PRR16: variants seen among roughly 807,000 people sequenced by gnomAD.
PRR16 encodes the protein protein Largen.
A neutral mutation model predicts 18.2 loss-of-function variants in PRR16; 6 were observed. That is an observed-to-expected ratio of 0.33 (90% CI 0.18 to 0.65). PRR16 has a LOEUF of 0.65. Among genes scored for constraint, PRR16 ranks in the 30% least tolerant of loss-of-function variants. The pLI, the probability that PRR16 is intolerant of heterozygous loss-of-function variation, is 0.74. For synonymous variants in PRR16, 151 were observed against 147.8 expected (o/e 1.02, Z -0.16); for missense variants, 412 against 376.6 (o/e 1.09, Z -0.78).
intron 1 of PRR16, among the ~76,000 whole-genome samples, chr5:120,528,194 A>G (rs1459961427): frequency 6.6e-6 from 1 of 152,204 alleles, no homozygotes; most frequent in African/African-American, 2.4e-5. Flanking sequence ...TGGAGAAATC[A>G]GGTCAATAAA....
chr5:120,541,407 A>G lies in PRR16; in HGVS notation c.159+76762A>G, dbSNP rs1319148605. Among the ~76,000 whole-genome samples the G allele has an allele frequency of 2.6e-5, 4 of 152,172 alleles. No homozygotes were observed. In the East Asian group the frequency reaches 5.8e-4, roughly 22 times the overall value. On this transcript the variant is annotated intron_variant, in intron 1 of 1. Transcript: ENST00000407149. ...CTGATCTGCCCACCTCAGCCTCTCA[A>G]AGTGCTAGGATTACAGGCGTGAGCC... is the stretch of plus-strand genomic sequence containing the variant.
chr5:120,577,281 A>G (rs1185271016), intron 1 of PRR16, among the ~76,000 whole-genome samples: 1 of 152,088 alleles, frequency 6.6e-6, no homozygotes, highest in African/African-American at 2.4e-5. Flanking sequence ...GCCTTGCAAC[A>G]TTTATATTGA....
intron 1 of PRR16, among the ~76,000 whole-genome samples, chr5:120,488,718 C>G (rs1202541488): frequency 8.5e-5 from 13 of 152,124 alleles, no homozygotes; most frequent in African/African-American, 2.9e-4. Flanking sequence ...TCTTGCTTCT[C>G]TAGTTCTTTT....
intron 1 of PRR16, among the ~76,000 whole-genome samples, chr5:120,504,408 C>T (rs1174988891): frequency 2.0e-5 from 3 of 152,172 alleles, no homozygotes; most frequent in Non-Finnish European, 4.4e-5. Flanking sequence ...CCAAGTGTTT[C>T]TTAAACATGG....
chr5:120,776,154 G>T, the PRR16 span, among the ~76,000 whole-genome samples: 2 of 152,038 alleles, frequency 1.3e-5, no homozygotes, highest in Non-Finnish European at 2.9e-5. Context: ...CGTCATCATT[G>T]GATATGTATG....
intron 1 of PRR16, among the ~76,000 whole-genome samples, chr5:120,527,698 T>G (rs1188516113): frequency 6.6e-6 from 1 of 152,206 alleles, no homozygotes; most frequent in African/African-American, 2.4e-5. Flanking sequence ...TTCCTTTTGC[T>G]TTTTGCACTT....
At chr5:120,770,928 T>A in the PRR16 span, among the ~76,000 whole-genome samples, 507 of 147,104 alleles carry the variant, frequency 3.4e-3, 2 homozygotes, top group African/African-American at 0.012. Flanking sequence ...ATTGGAACAC[T>A]CTCTCTCTCT....
chr5:120,580,950 A>G (rs185543749), intron 1 of PRR16, among the ~76,000 whole-genome samples: 62 of 152,296 alleles, frequency 4.1e-4, no homozygotes, highest in African/African-American at 1.4e-3. Flanking sequence ...GGATTTTCAC[A>G]TCAACATTCA....
the PRR16 span, among the ~76,000 whole-genome samples, chr5:120,779,733 TTAA>T: frequency 2.6e-5 from 4 of 152,170 alleles, no homozygotes; most frequent in Non-Finnish European, 5.9e-5. Flanking sequence ...GCTGATATTC[TTAA>T]TAACAGCAAA....
At chr5:120,789,891 T>C in the PRR16 span, 2 of 138,030 alleles carry the variant, frequency 1.4e-5, no homozygotes, top group South Asian at 4.7e-4. Flanking sequence ...TTGTGTGTTT[T>C]TGTTAAACCA....
At chr5:120,682,733 A>G (rs1467002566) in intron 1 of PRR16, among the ~76,000 whole-genome samples, 5 of 152,204 alleles carry the variant, frequency 3.3e-5, no homozygotes, top group African/African-American at 4.8e-5. Flanking sequence ...AGAATATGCA[A>G]CCAACTCAGT....
the PRR16 span, among the ~76,000 whole-genome samples, chr5:120,746,945 C>T: frequency 1.3e-5 from 2 of 151,774 alleles, no homozygotes; most frequent in Non-Finnish European, 2.9e-5. Flanking sequence ...CATCTTTCTT[C>T]GAAGGAATAA....
the PRR16 span, among the ~76,000 whole-genome samples, chr5:120,693,174 C>T: frequency 3.3e-5 from 5 of 152,038 alleles, no homozygotes; most frequent in African/African-American, 1.2e-4. Context: ...AATATCAACT[C>T]GAAACAAGAA....
At chr5:120,589,345 C>A (rs961952340) in intron 1 of PRR16, among the ~76,000 whole-genome samples, 1 of 152,080 alleles carries the variant, frequency 6.6e-6, no homozygotes, top group Non-Finnish European at 1.5e-5. Flanking sequence ...TATCTGCTTT[C>A]CAGTTGCCAG....
intron 1 of PRR16, among the ~76,000 whole-genome samples, chr5:120,632,527 TA>T (rs893595910): frequency 6.7e-6 from 1 of 150,136 alleles, no homozygotes; most frequent in Non-Finnish European, 1.5e-5. Flanking sequence ...AAGCATAAAT[TA>T]AAAAAAAATC....
At chr5:120,668,468 T>C (rs1268903122) in intron 1 of PRR16, among the ~76,000 whole-genome samples, 1 of 151,784 alleles carries the variant, frequency 6.6e-6, no homozygotes, top group African/African-American at 2.4e-5. Flanking sequence ...AAAGTTAATA[T>C]TGTTATGTGT....
the PRR16 span, among the ~76,000 whole-genome samples, chr5:120,778,634 T>C: frequency 6.6e-6 from 1 of 152,156 alleles, no homozygotes; most frequent in Non-Finnish European, 1.5e-5. Flanking sequence ...TTAACGTGAT[T>C]GTATTCAGCA....
At chr5:120,737,307 GTTTTTTTTTTTTTTTT>G in the PRR16 span, among the ~76,000 whole-genome samples, 2 of 51,088 alleles carry the variant, frequency 3.9e-5, no homozygotes, top group Admixed American at 2.9e-4. Flanking sequence ...AGTTTGTTGA[GTTTTTTTTTTTTTTTT>G]TTTTTTTTTT....
At chr5:120,719,520 A>G in the PRR16 span, among the ~76,000 whole-genome samples, 1 of 152,056 alleles carries the variant, frequency 6.6e-6, no homozygotes, top group Non-Finnish European at 1.5e-5. Flanking sequence ...ACAGAGAGAT[A>G]TGAGATTCTG....
Sources: gnomAD v4.1 joint callset for allele counts (sites outside exome capture counted in the v4.1 genomes callset) on GRCh38, gnomAD v4.1.1 for gene constraint, MANE v1.5 for transcripts, NCBI Gene and HGNC (gene_info 2026-07-23, HGNC 2026-07-21) for gene names.